SOX5: variants seen among roughly 807,000 people sequenced by gnomAD.
SOX5 encodes SRY-box transcription factor 5, also known as transcription factor SOX-5.
In SOX5, 9 loss-of-function variants were observed where a neutral mutation model predicts 92.0. That is an observed-to-expected ratio of 0.10 (90% CI 0.06 to 0.17). SOX5 has a LOEUF of 0.17. Among genes scored for constraint, SOX5 ranks in the 10% least tolerant of loss-of-function variants. The probability of loss-of-function intolerance (pLI) is 1.00; values close to 1 mark genes in which losing one functional copy is unlikely to be tolerated. For missense variants in SOX5, 642 were observed against 944.5 expected, an observed-to-expected ratio of 0.68 and a Z score of 4.20; for synonymous variants, 344 against 336.3, an observed-to-expected ratio of 1.02 and a Z score of -0.25.
intron 1 of SOX5, among the ~76,000 whole-genome samples, chr12:24,544,890 G>T (rs1405576464): frequency 6.6e-6 from 1 of 152,096 alleles, no homozygotes; most frequent in East Asian, 1.9e-4. Context: ...AAGTCAACTG[G>T]CATGTTAGAA....
intron 2 of SOX5, among the ~76,000 whole-genome samples, chr12:24,332,617 A>G (rs1951453226): frequency 6.6e-6 from 1 of 152,196 alleles, no homozygotes; most frequent in South Asian, 2.1e-4. Context: ...TATGAAGACA[A>G]TCGAGGTTTG....
chr12:23,946,255 C>T (rs748015702), intron 1 of SOX5, among the ~76,000 whole-genome samples: 3 of 152,174 alleles, frequency 2.0e-5, no homozygotes, highest in South Asian at 2.1e-4. Context: ...TGCATAATCC[C>T]ACTACTTTCA....
At chr12:24,395,949 T>C (rs931123234) in intron 1 of SOX5, among the ~76,000 whole-genome samples, 15 of 152,198 alleles carry the variant, frequency 9.9e-5, no homozygotes, top group African/African-American at 3.4e-4. Context: ...TCTTTATCTC[T>C]AAGAAGTGCA....
intron 13 of SOX5, among the ~76,000 whole-genome samples, chr12:23,537,132 T>TTAAG (rs1228603244): frequency 6.6e-6 from 1 of 152,120 alleles, no homozygotes; most frequent in African/African-American, 2.4e-5. Context: ...CCCAAAATGT[T>TTAAG]TAAGTATTTT....
chr12:24,128,643 G>A (rs887437757), intron 4 of SOX5, among the ~76,000 whole-genome samples: 5 of 152,122 alleles, frequency 3.3e-5, no homozygotes, highest in East Asian at 1.9e-4. Flanking sequence ...GACAGCTTTC[G>A]GCATGTTCTC....
At chr12:23,877,228 T>C (rs1332232148) in intron 2 of SOX5, among the ~76,000 whole-genome samples, 8 of 152,206 alleles carry the variant, frequency 5.3e-5, no homozygotes, top group Non-Finnish European at 1.2e-4. Flanking sequence ...TCTTTTCTTT[T>C]CCTTTTTTTT....
chr12:24,141,508 A>G (rs1424205867), intron 4 of SOX5, among the ~76,000 whole-genome samples: 3 of 152,194 alleles, frequency 2.0e-5, no homozygotes, highest in African/African-American at 7.2e-5. Flanking sequence ...AGAAGATACT[A>G]GTGTAATCCA....
intron 2 of SOX5, among the ~76,000 whole-genome samples, chr12:24,287,746 A>C (rs1946079356): frequency 6.6e-6 from 1 of 152,112 alleles, no homozygotes; most frequent in Admixed American, 6.5e-5. Context: ...ATTTTTACTT[A>C]AGCGATCTGA....
intron 4 of SOX5, among the ~76,000 whole-genome samples, chr12:24,165,463 A>G (rs1953290335): frequency 6.6e-6 from 1 of 152,188 alleles, no homozygotes; most frequent in African/African-American, 2.4e-5. Flanking sequence ...TACCAGTCCA[A>G]TGGATTCAAA....
At position 23,604,437 on chromosome 12, in the gene SOX5, T is replaced by C. The variant is rs1226051157; in HGVS notation, c.1114A>G (p.Thr372Ala). The C allele has an allele frequency of 6.2e-7, 1 of 1,613,690 alleles. No individual in the cohort carries two copies. Among genetic ancestry groups the C allele is most frequent in the Non-Finnish European group, 8.5e-7 (1 of 1,179,808 alleles). Reference sequence around the variant, plus strand: ...GTGCTCTTGTCTGTGTGAATGCTGGTAGGAGATACAGCAGCACCAAGGTTG... The same window carrying C: ...GTGCTCTTGTCTGTGTGAATGCTGGCAGGAGATACAGCAGCACCAAGGTTG... ...QGNLGAAVSP[T>A]SIHTDKSTNS... Residue 372 changes from threonine (T) to alanine (A), a missense_variant, in exon 9 of 15, where the codon ACC becomes GCC. Thr to Ala is a moderately conservative substitution (Grantham distance 58). Transcript: ENST00000451604.
chr12:24,213,271 G>A (rs570528085), intron 4 of SOX5: 3 of 151,960 alleles, frequency 2.0e-5, no homozygotes, highest in African/African-American at 7.2e-5. Context: ...ATAAGCAAGT[G>A]GCAAGAGATT....
chr12:24,361,309 G>C (rs963480105), intron 2 of SOX5, among the ~76,000 whole-genome samples: 5 of 152,084 alleles, frequency 3.3e-5, no homozygotes, highest in Non-Finnish European at 5.9e-5. Flanking sequence ...AATCAACCTA[G>C]AAAAATGTAT....
chr12:24,519,287 C>A (rs1950066297), intron 1 of SOX5, among the ~76,000 whole-genome samples: 1 of 151,940 alleles, frequency 6.6e-6, no homozygotes, highest in African/African-American at 2.4e-5. Context: ...ATATTTGTCT[C>A]CCCAGTGAAC....
In SOX5 at chr12:23,543,299, A is replaced by G; in HGVS notation, c.1683T>C (p.Asn561=). The G allele has an allele frequency of 6.2e-7, 1 of 1,613,694 alleles. No individual in the cohort carries two copies. The highest frequency in any genetic ancestry group is 8.5e-7 in the Non-Finnish European group (1 of 1,179,610). Reference sequence around the variant, plus strand: ...CATCTTTAGCCCACACCATGAAGGCATTCATTGGACGCTTTATGTGGGGTT... The same window carrying G: ...CATCTTTAGCCCACACCATGAAGGCGTTCATTGGACGCTTTATGTGGGGTT... ...SNEPHIKRPM[N]AFMVWAKDER... Residue 561 remains asparagine, a synonymous_variant, in exon 13 of 15, where the codon AAT becomes AAC. Transcript: ENST00000451604.
At chr12:23,890,641 C>T (rs1250484688) in intron 2 of SOX5, among the ~76,000 whole-genome samples, 1 of 152,248 alleles carries the variant, frequency 6.6e-6, no homozygotes, top group East Asian at 1.9e-4. Flanking sequence ...CTATTCCCTT[C>T]TGGTGCCCAC....
chr12:23,617,047 C>G (rs186561996), intron 8 of SOX5, among the ~76,000 whole-genome samples: 70 of 151,364 alleles, frequency 4.6e-4, no homozygotes, highest in African/African-American at 1.4e-3. Context: ...ATTGCTTGAG[C>G]CCAGCAGTTC....
intron 6 of SOX5, among the ~76,000 whole-genome samples, chr12:23,668,868 A>G (rs2139513893): frequency 6.6e-6 from 1 of 152,306 alleles, no homozygotes; most frequent in South Asian, 2.1e-4. Context: ...TATGAATCCA[A>G]CACAAATCAC....
At chr12:24,000,562 G>C (rs1056247904) in intron 4 of SOX5, among the ~76,000 whole-genome samples, 1 of 152,076 alleles carries the variant, frequency 6.6e-6, no homozygotes. Flanking sequence ...GTGTATTTCA[G>C]TGTTTGTGTA....
At chr12:23,840,002 AAAAAAAG>A (rs970620243) in intron 3 of SOX5, among the ~76,000 whole-genome samples, 1 of 151,612 alleles carries the variant, frequency 6.6e-6, no homozygotes, top group Non-Finnish European at 1.5e-5. Flanking sequence ...AAAAAAAAAA[AAAAAAAG>A]AAAGTGCACA....
Sources: gnomAD v4.1 joint callset for allele counts (sites outside exome capture counted in the v4.1 genomes callset) on GRCh38, gnomAD v4.1.1 for gene constraint, MANE v1.5 for transcripts, NCBI Gene and HGNC (gene_info 2026-07-23, HGNC 2026-07-21) for gene names.